The following RAD54L2 variants were observed in gnomAD, a reference collection of about 807,000 sequenced individuals.
RAD54L2 encodes helicase ARIP4.
Under a neutral mutation model 138.4 loss-of-function variants are expected in RAD54L2, and 27 were observed. The ratio of observed to expected loss-of-function variants is 0.20; its 90% confidence interval spans 0.14 to 0.27. The LOEUF (loss-of-function observed/expected upper bound fraction) is 0.27, where lower values mean the gene tolerates loss of function less well. RAD54L2 is among the 10% of genes least tolerant of loss of function. The pLI is 1.00. For missense variants in RAD54L2, 1,396 were observed against 1,890.2 expected, an observed-to-expected ratio of 0.74 and a Z score of 4.85; for synonymous variants, 644 against 723.2, an observed-to-expected ratio of 0.89 and a Z score of 1.76.
At chr3:51,547,118 G>A (rs1285495780) in intron 2 of RAD54L2, among the ~76,000 whole-genome samples, 1 of 152,124 alleles carries the variant, frequency 6.6e-6, no homozygotes, top group Non-Finnish European at 1.5e-5. Flanking sequence ...AGGCTGAGGT[G>A]GGAGGGTTGC....
chr3:51,562,965 C>T (rs529266331), intron 2 of RAD54L2, among the ~76,000 whole-genome samples: 1 of 152,222 alleles, frequency 6.6e-6, no homozygotes, highest in East Asian at 1.9e-4. Flanking sequence ...TGAAGTCATT[C>T]CCAGGCAATA....
intron 2 of RAD54L2, among the ~76,000 whole-genome samples, chr3:51,565,306 G>C (rs1699189089): frequency 6.6e-6 from 1 of 152,070 alleles, no homozygotes; most frequent in Non-Finnish European, 1.5e-5. Flanking sequence ...TGAGATGGAA[G>C]AATCGCTTGA....
intron 9 of RAD54L2, among the ~76,000 whole-genome samples, chr3:51,634,909 T>C (rs1004004798): frequency 2.0e-5 from 3 of 152,228 alleles, no homozygotes; most frequent in African/African-American, 7.2e-5. Flanking sequence ...CAGCTCTACA[T>C]GCTAACCTTT....
chr3:51,603,142 C>CAAAAA (rs56410629), intron 3 of RAD54L2, among the ~76,000 whole-genome samples: 2 of 91,522 alleles, frequency 2.2e-5, no homozygotes, highest in African/African-American at 4.3e-5. Context: ...ATTACTACTA[C>CAAAAA]AAAAAAAAAA....
In RAD54L2 at chr3:51,583,654, C is replaced by T. The variant is rs756237946; in HGVS notation, c.-54-6713C>T. ...GTTAGTCAGGCTGATCTTGAACTCC[C>T]GACCTCAGGTGATCTGCCCGCCTCG... On this transcript the variant is annotated intron_variant, in intron 2 of 22. Transcript: ENST00000684192. 3.4e-4 allele frequency among the ~76,000 whole-genome samples: 51 copies of T among 150,474 alleles called. No homozygotes were observed. The East Asian group carries it at 4.1e-3, about 12-fold the overall frequency.
At chr3:51,595,119 G>A (rs936444590) in intron 3 of RAD54L2, among the ~76,000 whole-genome samples, 1 of 152,018 alleles carries the variant, frequency 6.6e-6, no homozygotes, top group Admixed American at 6.6e-5. Context: ...ACACGCCTCA[G>A]CCTCCCAAAG....
chr3:51,623,549 A>G (rs1700612134), intron 3 of RAD54L2, among the ~76,000 whole-genome samples: 1 of 152,206 alleles, frequency 6.6e-6, no homozygotes, highest in South Asian at 2.1e-4. Context: ...GAGCTACAGG[A>G]TTTAAAGCCA....
At chr3:51,547,881 CT>C (rs1698736807) in intron 2 of RAD54L2, among the ~76,000 whole-genome samples, 1 of 151,616 alleles carries the variant, frequency 6.6e-6, no homozygotes, top group African/African-American at 2.4e-5. Context: ...CTATAAAATA[CT>C]TTCTTTCTTT....
intron 2 of RAD54L2, among the ~76,000 whole-genome samples, chr3:51,545,398 G>A (rs1186775677): frequency 6.6e-6 from 1 of 151,656 alleles, no homozygotes; most frequent in Non-Finnish European, 1.5e-5. Flanking sequence ...TACCATGTTG[G>A]TCAGTCTGAT....
At chr3:51,581,016 A>G (rs1699595652) in intron 2 of RAD54L2, among the ~76,000 whole-genome samples, 1 of 152,266 alleles carries the variant, frequency 6.6e-6, no homozygotes, top group African/African-American at 2.4e-5. Context: ...AACTATAGAA[A>G]CAACCTATAT....
At chr3:51,556,871 C>T (rs531529565) in intron 2 of RAD54L2, among the ~76,000 whole-genome samples, 32 of 152,052 alleles carry the variant, frequency 2.1e-4, no homozygotes, top group Admixed American at 3.9e-4. Context: ...CCACTGCACC[C>T]GGCCCTATAT....
chr3:51,592,145 A>G (rs1699854096), intron 3 of RAD54L2, among the ~76,000 whole-genome samples: 1 of 126,892 alleles, frequency 7.9e-6, no homozygotes, highest in Non-Finnish European at 1.5e-5. Flanking sequence ...GCTCACTGCA[A>G]CCTTCACCTC....
rs1014568687 is a variant in RAD54L2, at chr3:51,659,098, GTTTTTTTTTTT to G, written c.3317-913_3317-903del. Among the ~76,000 whole-genome samples, 321 of 75,056 alleles carry G rather than the reference GTTTTTTTTTTT, an allele frequency of 4.3e-3. 1 individual carries two copies. Among genetic ancestry groups the G allele is most frequent in the Non-Finnish European group, 6.1e-3 (247 of 40,792 alleles). The allele number at this position is 75,056 out of a possible 152,430, so 49.2% of individuals were successfully genotyped here. Reference sequence around the variant, plus strand: ...CTCTTACAAAAACCATCCGGCTCTTGTTTTTTTTTTTTTTTTTTTTTTTTTGAGGCAGAGTC... The same window carrying G: ...CTCTTACAAAAACCATCCGGCTCTTGTTTTTTTTTTTTTTGAGGCAGAGTC... On this transcript the variant is annotated intron_variant, in intron 21 of 22. Transcript: ENST00000684192.
intron 3 of RAD54L2, among the ~76,000 whole-genome samples, chr3:51,608,432 G>C (rs940239891): frequency 6.6e-6 from 1 of 152,192 alleles, no homozygotes; most frequent in Non-Finnish European, 1.5e-5. Flanking sequence ...GGTGGCGGCC[G>C]GGCAGAGGCT....
rs575630846 is a variant in RAD54L2, at chr3:51,603,586, A to G, written c.139+13027A>G. ...GTGCTGTTACACTCTGGCTTGGGTG[A>G]CAGAAGGAGACTCTGCCTCAAAATA... On this transcript the variant is annotated intron_variant, in intron 3 of 22. Transcript: ENST00000684192. Among the ~76,000 whole-genome samples the G allele has an allele frequency of 5.3e-5, 8 of 152,206 alleles. No individual in the cohort carries two copies. The East Asian group carries it at 1.5e-3, about 29-fold the overall frequency.
chr3:51,619,936 C>A (rs1700530367), intron 3 of RAD54L2, among the ~76,000 whole-genome samples: 1 of 152,108 alleles, frequency 6.6e-6, no homozygotes, highest in South Asian at 2.1e-4. Context: ...CTGCATTCTG[C>A]TGTTGTCCTC....
At chr3:51,660,505 T>C (rs1701736262) in intron 22 of RAD54L2, among the ~76,000 whole-genome samples, 1 of 151,754 alleles carries the variant, frequency 6.6e-6, no homozygotes, top group South Asian at 2.1e-4. Flanking sequence ...TAGAGACGGC[T>C]TTTCACCGTG....
chr3:51,629,337 G>C lies in RAD54L2; in HGVS notation c.345G>C (p.Lys115Asn), dbSNP rs1353631768. The C allele has an allele frequency of 6.3e-7, 1 of 1,584,534 alleles. No individual in the cohort carries two copies. The highest frequency in any genetic ancestry group is 1.8e-5 in the Admixed American group (1 of 54,840). ...KPSHMRRNIRKLLREDQLEPV... is the reference protein window; with the variant it reads ...KPSHMRRNIRNLLREDQLEPV... ...TGTCTCTTATGTGAATGTTTAGAAA[G>C]CTACTCCGGGAGGATCAATTGGAGC... is the stretch of plus-strand genomic sequence containing the variant. The change falls in exon 5 of 23, where the codon AAG (lysine) becomes AAC (asparagine). Residue 115 changes from lysine to asparagine, a missense_variant. By Grantham distance (94) the Lys-to-Asn change is moderately conservative. Transcript: ENST00000684192.
Position 51,666,952 on chromosome 3 carries a change from A to G in RAD54L2, c.*3532A>G, listed in dbSNP as rs1398008846. ...GGAGCAGGAAGCAAAGTGCTGGGGTACAGTTTTGCAGATTGGTTGAAACAC... is the reference window on the plus strand; with the variant it reads ...GGAGCAGGAAGCAAAGTGCTGGGGTGCAGTTTTGCAGATTGGTTGAAACAC... On this transcript the variant is annotated 3_prime_UTR_variant, in exon 23 of 23. Transcript: ENST00000684192. 1 of 152,220 alleles carries G rather than the reference A, an allele frequency of 6.6e-6. No individual in the cohort carries two copies. The highest frequency in any genetic ancestry group is 1.5e-5 in the Non-Finnish European group (1 of 68,052). The allele number at this position is 152,220 out of a possible 1,614,324, so 9.4% of individuals were successfully genotyped here. A position where few individuals can be genotyped will look rare whatever the true frequency, so the allele number is the denominator to read the frequency against.
Sources: allele counts gnomAD v4.1 joint callset (sites outside exome capture counted in the v4.1 genomes callset), GRCh38; gene constraint gnomAD v4.1.1; transcripts MANE v1.5; gene names NCBI Gene and HGNC (gene_info 2026-07-23, HGNC 2026-07-21).